Variants in CPAMD8 observed in about 807,000 individuals in gnomAD.
CPAMD8 encodes the protein C3 and PZP like alpha-2-macroglobulin domain containing 8.
CPAMD8 carries 146 observed loss-of-function variants against 224.7 expected under a neutral mutation model. That is an observed-to-expected ratio of 0.65 (90% CI 0.57 to 0.75). The LOEUF (loss-of-function observed/expected upper bound fraction) is 0.75, where lower values mean the gene tolerates loss of function less well. Among genes scored for constraint, CPAMD8 ranks in the 30% least tolerant of loss-of-function variants. CPAMD8 has a pLI of 0.00. For synonymous variants in CPAMD8, 966 were observed against 1,044.6 expected (o/e 0.92, Z 1.45); for missense variants, 2,301 against 2,537.5 (o/e 0.91, Z 2.00).
At chr19:17,003,204 C>CAT (rs2056387803) in intron 8 of CPAMD8, among the ~76,000 whole-genome samples, 2 of 150,484 alleles carry the variant, frequency 1.3e-5, no homozygotes, top group Non-Finnish European at 3.0e-5. Flanking sequence ...TGCCTGGCCA[C>CAT]CTTTTTTTTT....
chr19:16,955,262 T>G (rs974465453), intron 19 of CPAMD8, among the ~76,000 whole-genome samples: 4 of 149,804 alleles, frequency 2.7e-5, no homozygotes, highest in Admixed American at 6.7e-5. Flanking sequence ...GCCACTGCAC[T>G]CCAGCCTGGT....
In CPAMD8 at chr19:16,925,244, G is replaced by T; in HGVS notation, c.3499C>A (p.Gln1167Lys). 1.2e-6 allele frequency: 2 copies of T among 1,614,244 alleles called. No individual in the cohort carries two copies. The highest frequency in any genetic ancestry group is 1.7e-6 in the Non-Finnish European group (2 of 1,180,044). ...FVLKYLQKTQQLSPEVERETT... is the reference protein window; with the variant it reads ...FVLKYLQKTQKLSPEVERETT... ...TCTCTCTCCACCTCAGGGCTGAGCTGCTGGGTTTTCTGAAGATACTTCAAG... is the reference window on the plus strand; with the variant it reads ...TCTCTCTCCACCTCAGGGCTGAGCTTCTGGGTTTTCTGAAGATACTTCAAG... The change falls in exon 26 of 42, where the codon CAG becomes AAG. Residue 1167 changes from glutamine to lysine, a missense_variant. By Grantham distance (53) the Gln-to-Lys change is moderately conservative (BLOSUM62 1). Around this residue, in one of 4 missense-constraint regions of CPAMD8, gnomAD observed 1,709 missense variants for 1,753.2 expected, o/e 0.97. Coordinates refer to ENST00000443236, the MANE Select transcript of CPAMD8 (RefSeq NM_015692.5).
chr19:16,996,630 C>T (rs1445357431), intron 11 of CPAMD8, among the ~76,000 whole-genome samples: 1 of 151,940 alleles, frequency 6.6e-6, no homozygotes, highest in East Asian at 1.9e-4. Context: ...ACCAGCCTGG[C>T]CAACATGGCG....
intron 1 of CPAMD8, among the ~76,000 whole-genome samples, chr19:17,026,320 G>A (rs1318915362): frequency 6.6e-6 from 1 of 152,134 alleles, no homozygotes; most frequent in African/African-American, 2.4e-5. Context: ...GGTGGGGCGG[G>A]GGGAGCTGAC....
intron 2 of CPAMD8, among the ~76,000 whole-genome samples, chr19:17,021,086 TG>T (rs1435222129): frequency 6.6e-6 from 1 of 152,168 alleles, no homozygotes; most frequent in African/African-American, 2.4e-5. Context: ...GGCTCAGGGT[TG>T]AGCACATGAA....
intron 3 of CPAMD8, among the ~76,000 whole-genome samples, chr19:17,014,042 T>TCTCC (rs1438753406): frequency 9.2e-4 from 15 of 16,268 alleles, no homozygotes; most frequent in Non-Finnish European, 2.4e-3. Flanking sequence ...TTTCTTTCTT[T>TCTCC]CTCTTTCTCT....
At chr19:16,912,712 G>A (rs987710136) in intron 29 of CPAMD8, among the ~76,000 whole-genome samples, 5 of 151,972 alleles carry the variant, frequency 3.3e-5, no homozygotes, top group Non-Finnish European at 5.9e-5. Flanking sequence ...CCAAGCCAAA[G>A]AGAATCACTT....
intron 9 of CPAMD8, among the ~76,000 whole-genome samples, chr19:17,001,483 C>G (rs1450953774): frequency 1.1e-5 from 1 of 88,768 alleles, no homozygotes; most frequent in Non-Finnish European, 2.3e-5. Flanking sequence ...GGGGGTAGGG[C>G]ATTCTTTGGG....
At chr19:16,964,028 A>C (rs1016719089) in intron 18 of CPAMD8, among the ~76,000 whole-genome samples, 4 of 152,230 alleles carry the variant, frequency 2.6e-5, no homozygotes, top group African/African-American at 9.6e-5. Context: ...TCTCTGGGAC[A>C]CATTTAAAGC....
At chr19:16,918,954 G>A (rs1056020257) in intron 27 of CPAMD8, among the ~76,000 whole-genome samples, 1 of 152,002 alleles carries the variant, frequency 6.6e-6, no homozygotes, top group African/African-American at 2.4e-5. Flanking sequence ...TGTAATCTCA[G>A]CACTTTGGGA....
Position 16,902,872 on chromosome 19 carries a change from T to A in CPAMD8, c.4471-9A>T, listed in dbSNP as rs1599658310. 1 of 1,510,384 alleles carries A rather than the reference T, an allele frequency of 6.6e-7. No individual in the cohort carries two copies. The highest frequency in any genetic ancestry group is 1.4e-5 in the African/African-American group (1 of 71,142). The allele number at this position is 1,510,384 out of a possible 1,614,324, so 93.6% of individuals were successfully genotyped here. ...TTGTAGGTGACATCAATCTGGGGGG[T>A]GTTGGAGGATGGAGGCTTAGGGACC... is the stretch of plus-strand genomic sequence containing the variant. On this transcript the variant is annotated splice_polypyrimidine_tract_variant and intron_variant, in intron 34 of 41. Coordinates refer to ENST00000443236, the MANE Select transcript of CPAMD8 (RefSeq NM_015692.5).
chr19:16,967,890 C>CGTGTGTGTATAT lies in CPAMD8; in HGVS notation c.2213+3000_2213+3001insATATACACACAC, dbSNP rs1568539968. On this transcript the variant is annotated intron_variant, in intron 18 of 41. Coordinates refer to ENST00000443236, the MANE Select transcript of CPAMD8 (RefSeq NM_015692.5). ...GTATATATGTGCATATATACACACA[C>CGTGTGTGTATAT]ATGTGTGTGTATATATGTGCATATA... 9.4e-4 allele frequency among the ~76,000 whole-genome samples: 58 copies of CGTGTGTGTATAT among 61,636 alleles called. No homozygotes were observed. In the East Asian group the frequency reaches 0.012, roughly 13 times the overall value. The allele number at this position is 61,636 out of a possible 152,430, so 40.4% of individuals were successfully genotyped here. A position where few individuals can be genotyped will look rare whatever the true frequency, so the allele number is the denominator to read the frequency against.
chr19:17,008,664 A>AT lies in CPAMD8; in HGVS notation c.505-106dup, dbSNP rs765485343. On this transcript the variant is annotated intron_variant, in intron 6 of 41. Coordinates refer to ENST00000443236, the MANE Select transcript of CPAMD8 (RefSeq NM_015692.5). ...GTCCTCTCTCTTGGGCATGTCAACC[A>AT]TGCAGCGAAGGTCCCAAGATTAATC... The AT allele has an allele frequency of 1.9e-5, 24 of 1,265,692 alleles. No homozygotes were observed. The South Asian group carries it at 2.8e-4, about 15-fold the overall frequency. 78.4% of individuals were successfully genotyped at this position (1,265,692 alleles called of 1,614,324 possible). A position where few individuals can be genotyped will look rare whatever the true frequency, so the allele number is the denominator to read the frequency against.
intron 30 of CPAMD8, among the ~76,000 whole-genome samples, chr19:16,906,702 TTTTTG>T (rs1011933797): frequency 2.0e-5 from 3 of 151,772 alleles, no homozygotes; most frequent in African/African-American, 7.3e-5. Flanking sequence ...ACTCATCAGT[TTTTTG>T]TTTTGTTTTG....
chr19:17,014,020 A>T (rs12104268), intron 3 of CPAMD8, among the ~76,000 whole-genome samples: 2 of 32,776 alleles, frequency 6.1e-5, no homozygotes, highest in African/African-American at 1.0e-4. Context: ...CCCTCCCTCC[A>T]TCCCTCCCTT....
chr19:16,978,775 TTCTA>T (rs1199087416), intron 14 of CPAMD8, among the ~76,000 whole-genome samples: 2 of 151,314 alleles, frequency 1.3e-5, no homozygotes, highest in African/African-American at 2.4e-5. Flanking sequence ...CCACTCATCT[TTCTA>T]TCTATCCATC....
intron 15 of CPAMD8, among the ~76,000 whole-genome samples, chr19:16,977,043 AAAT>A (rs375274619): frequency 4.6e-5 from 7 of 151,974 alleles, no homozygotes; most frequent in Non-Finnish European, 7.4e-5. Flanking sequence ...CTCCGTCTCA[AAAT>A]AATAATAATA....
At position 16,975,211 on chromosome 19, in the gene CPAMD8, C is replaced by A. The variant is rs768661565; in HGVS notation, c.1956G>T (p.Val652=). Residue 652 remains valine, a synonymous_variant, in exon 17 of 42, where the codon GTG becomes GTT. Coordinates refer to ENST00000443236, the MANE Select transcript of CPAMD8 (RefSeq NM_015692.5). ...ACCAAAAAGGACCATCCTCCCTGGA[C>A]ACGCCAAAGGAATCAGAAACATCAT... ...EDYDVSDSFG[V]SREDGPFWWA... is the part of the protein sequence containing the mutation. 3.1e-6 allele frequency: 5 copies of A among 1,610,464 alleles called. No homozygotes were observed. The Admixed American group carries it at 6.7e-5, about 22-fold the overall frequency.
At position 16,928,022 on chromosome 19, in the gene CPAMD8, G is replaced by A. The variant is rs772525736; in HGVS notation, c.3357C>T (p.Thr1119=). ...HGAIPGSERA[T]ASIIGDVMGP... is the part of the protein sequence containing the mutation. ...GGACAGACGCACCGATGATGGAGGC[G>A]GTGGCTCGCTCAGACCCAGGGATGG... is the stretch of plus-strand genomic sequence containing the variant. The change falls in exon 25 of 42, where the codon ACC becomes ACT. Residue 1119 remains threonine (T), a synonymous_variant. Coordinates refer to ENST00000443236, the MANE Select transcript of CPAMD8 (RefSeq NM_015692.5). 1.7e-5 allele frequency: 28 copies of A among 1,611,796 alleles called. No homozygotes were observed. The highest frequency in any genetic ancestry group is 1.2e-4 in the Admixed American group (7 of 60,012).
Sources: gnomAD v4.1 joint callset for allele counts (sites outside exome capture counted in the v4.1 genomes callset) on GRCh38, gnomAD v4.1.1 for gene constraint, gnomAD v4.1.1 regional missense constraint, MANE v1.5 for transcripts, NCBI Gene and HGNC (gene_info 2026-07-23, HGNC 2026-07-21) for gene names.